The following MAPT variants were observed in gnomAD, a reference collection of about 807,000 sequenced individuals.
MAPT encodes the protein microtubule associated protein tau.
Under a neutral mutation model 67.9 loss-of-function variants are expected in MAPT, and 34 were observed. That is an observed-to-expected ratio of 0.50 (90% confidence interval 0.38 to 0.67). MAPT has a LOEUF of 0.67. MAPT is among the 30% of genes least tolerant of loss of function. The probability of loss-of-function intolerance (pLI) is 0.00; values close to 1 mark genes in which losing one functional copy is unlikely to be tolerated. For synonymous variants in MAPT, 456 were observed against 464.5 expected (o/e 0.98, Z 0.23); for missense variants, 881 against 1,115.2 (o/e 0.79, Z 2.99).
At chr17:46,005,026 T>C (rs1598359865) in intron 9 of MAPT, among the ~76,000 whole-genome samples, 2 of 152,322 alleles carry the variant, frequency 1.3e-5, no homozygotes, top group South Asian at 4.1e-4. Flanking sequence ...CCTCGTCATC[T>C]GCCTGCCTCG....
chr17:45,904,982 A>T (rs977371279), intron 1 of MAPT, among the ~76,000 whole-genome samples: 2 of 152,140 alleles, frequency 1.3e-5, no homozygotes, highest in African/African-American at 4.8e-5. Context: ...CATTGCCAGG[A>T]AACATCAGGA....
chr17:45,930,750 G>A (rs867844597), intron 1 of MAPT, among the ~76,000 whole-genome samples: 9 of 152,102 alleles, frequency 5.9e-5, no homozygotes, highest in South Asian at 2.1e-4. Context: ...AAAGGTGAAC[G>A]CCGTTCAGAA....
At chr17:45,923,538 G>C (rs8082597) in intron 1 of MAPT, among the ~76,000 whole-genome samples, 2 of 152,328 alleles carry the variant, frequency 1.3e-5, no homozygotes. Flanking sequence ...TCCCATAAAA[G>C]ATAATCAGAT....
rs758433606 is a variant in MAPT, at chr17:45,989,912, A to C, written c.1442A>C (p.Asn481Thr). 1 of 1,614,172 alleles carries C rather than the reference A, an allele frequency of 6.2e-7. No individual in the cohort carries two copies. The highest frequency in any genetic ancestry group is 1.3e-5 in the African/African-American group (1 of 75,032). The change falls in exon 7 of 13, where the codon AAT becomes ACT. Residue 481 changes from asparagine to threonine, a missense_variant. This residue lies in a region of MAPT where 687 missense variants were observed against 766.1 expected (regional missense o/e 0.90). Coordinates refer to ENST00000262410, the MANE Select transcript of MAPT (RefSeq NM_001377265.1). ...CGTTCCTCTGCTAAAACCTTGAAAA[A>C]TAGGCCTTGCCTTAGCCCCAAACAC... is the stretch of plus-strand genomic sequence containing the variant. ...STRSSAKTLKNRPCLSPKHPT... is the reference protein window; with the variant it reads ...STRSSAKTLKTRPCLSPKHPT...
At chr17:45,990,117 T>C (rs1415791488) in intron 7 of MAPT, 42 bp downstream of exon 7, 8 of 1,588,070 alleles carry the variant, frequency 5.0e-6, no homozygotes, top group Non-Finnish European at 6.9e-6. Context: ...TGCTCTGCTG[T>C]GGTTTGCAAA....
chr17:45,995,457 C>T lies in MAPT; in HGVS notation c.1733-942C>T, dbSNP rs1034821621. ...TCCTTGAAAGCTCCGGAGATTCTGACGCAGGGTTCCGTGGGCCACACTTTG... is the reference window on the plus strand; with the variant it reads ...TCCTTGAAAGCTCCGGAGATTCTGATGCAGGGTTCCGTGGGCCACACTTTG... On this transcript the variant is annotated intron_variant, in intron 8 of 12. Transcript: ENST00000262410. This position sits in a 1 kb window ranked among gnomAD's most constrained non-coding sequence, Gnocchi z 4.3. Among the ~76,000 whole-genome samples the T allele has an allele frequency of 7.2e-5, 11 of 152,154 alleles. No homozygotes were observed. Among genetic ancestry groups the T allele is most frequent in the African/African-American group, 2.4e-4 (10 of 41,420 alleles).
chr17:46,001,100 T>C (rs2074961719), intron 9 of MAPT, among the ~76,000 whole-genome samples: 2 of 151,606 alleles, frequency 1.3e-5, no homozygotes, highest in Admixed American at 1.3e-4. Context: ...CTGTTGGCAC[T>C]CTCCTGTAGT....
At chr17:45,918,134 T>G (rs1410705883) in intron 1 of MAPT, among the ~76,000 whole-genome samples, 2 of 152,214 alleles carry the variant, frequency 1.3e-5, no homozygotes, top group African/African-American at 4.8e-5. Context: ...TCCTTTTCCA[T>G]TTCCAAAGTC....
At position 45,996,745 on chromosome 17, in the gene MAPT, G is replaced by T. The variant is rs554686244; in HGVS notation, c.1998+81G>T. 2 of 1,560,362 alleles carry T rather than the reference G, an allele frequency of 1.3e-6. No individual in the cohort carries two copies. The highest frequency in any genetic ancestry group is 1.4e-5 in the African/African-American group (1 of 73,614). On this transcript the variant is annotated intron_variant, in intron 9 of 12. Transcript: ENST00000262410. This position sits in a 1 kb window ranked among gnomAD's most constrained non-coding sequence, Gnocchi z 4.5. The stretch of plus-strand genomic sequence containing the variant: ...GCTGTGCCTGGAAGGGTAGGGCTGC[G>T]CCTGGAGGTGCGCGGTTGAGCGTGG...
chr17:45,977,317 T>C (rs1248253385), intron 3 of MAPT: 1 of 152,136 alleles, frequency 6.6e-6, no homozygotes, highest in Admixed American at 6.5e-5. Context: ...GGCATTCCTA[T>C]CTTAGGTGCA....
At chr17:45,916,034 C>T (rs931759616) in intron 1 of MAPT, among the ~76,000 whole-genome samples, 36 of 152,166 alleles carry the variant, frequency 2.4e-4, no homozygotes, top group Non-Finnish European at 4.4e-5. Flanking sequence ...CACACCCTGC[C>T]CACAGTCCTG....
chr17:46,002,009 G>A (rs1281405600), intron 9 of MAPT, among the ~76,000 whole-genome samples: 2 of 152,228 alleles, frequency 1.3e-5, no homozygotes, highest in African/African-American at 4.8e-5. Flanking sequence ...GGAGGATAGT[G>A]GAACACTGCA....
intron 12 of MAPT, among the ~76,000 whole-genome samples, chr17:46,019,374 A>G (rs2076383620): frequency 2.6e-5 from 4 of 152,080 alleles, no homozygotes; most frequent in African/African-American, 9.7e-5. Flanking sequence ...TTGGGTGGGG[A>G]CACAGCCAAA....
chr17:45,903,714 C>CAAAAAA (rs1222023338), intron 1 of MAPT, among the ~76,000 whole-genome samples: 583 of 36,656 alleles, frequency 0.016, 8 homozygotes, highest in Middle Eastern at 0.033. Flanking sequence ...GACTTCTTCT[C>CAAAAAA]AAAAAAAAAA....
At chr17:45,977,171 C>T (rs1206091840) in intron 3 of MAPT, 3 of 152,390 alleles carry the variant, frequency 2.0e-5, no homozygotes, top group African/African-American at 7.2e-5. Flanking sequence ...CTCCCATGCC[C>T]TCAGCAGCTG....
intron 9 of MAPT, among the ~76,000 whole-genome samples, chr17:46,005,589 A>ATT (rs111582708): frequency 1.1e-4 from 16 of 151,640 alleles, no homozygotes; most frequent in South Asian, 2.1e-4. Flanking sequence ...CATTAAAACT[A>ATT]TTTTTTTTTA....
intron 5 of MAPT, 33 bp from the exon 6 acceptor site, chr17:45,987,007 T>G: frequency 5.0e-6 from 8 of 1,591,342 alleles, no homozygotes; most frequent in Non-Finnish European, 6.9e-6. Context: ...GAAAATGGAG[T>G]GTGACAAGCA....
At chr17:45,927,972 C>A (rs2066505942) in intron 1 of MAPT, among the ~76,000 whole-genome samples, 1 of 141,834 alleles carries the variant, frequency 7.1e-6, no homozygotes, top group Admixed American at 7.7e-5. Context: ...TGCACTCCAG[C>A]CTGGGTGACA....
At chr17:45,942,563 G>C (rs1458859645) in intron 1 of MAPT, among the ~76,000 whole-genome samples, 1 of 152,214 alleles carries the variant, frequency 6.6e-6, no homozygotes, top group Non-Finnish European at 1.5e-5. Flanking sequence ...TCTGAATCTA[G>C]AACTAGCTCC....
Sources: allele counts gnomAD v4.1 joint callset (sites outside exome capture counted in the v4.1 genomes callset), GRCh38; gene constraint gnomAD v4.1.1; regional missense constraint gnomAD v4.1.1; non-coding constraint Gnocchi (gnomAD v3.1); transcripts MANE v1.5; gene names NCBI Gene and HGNC (gene_info 2026-07-23, HGNC 2026-07-21).